The following WNT11 variants were observed in gnomAD, a reference collection of about 807,000 sequenced individuals.
WNT11 encodes the protein protein Wnt-11.
In WNT11, 20 loss-of-function variants were observed where a neutral mutation model predicts 35.6. The ratio of observed to expected loss-of-function variants is 0.56; its 90% CI spans 0.40 to 0.82. The LOEUF is 0.82. Among genes scored for constraint, WNT11 ranks in the 40% least tolerant of loss-of-function variants. WNT11 has a pLI of 0.00. For synonymous variants in WNT11, 200 were observed against 211.9 expected, an observed-to-expected ratio of 0.94 and a Z score of 0.49; for missense variants, 459 against 504.4, an observed-to-expected ratio of 0.91 and a Z score of 0.86.
intron 1 of WNT11, among the ~76,000 whole-genome samples, chr11:76,200,182 C>T (rs1953353034): frequency 6.6e-6 from 1 of 151,866 alleles, no homozygotes; most frequent in African/African-American, 2.4e-5. Flanking sequence ...ACTGTGGTGT[C>T]CAGGGCAGTC....
At chr11:76,191,495 A>G (rs11236648) in intron 4 of WNT11, 69 bp downstream of exon 4, 507,116 of 1,534,136 alleles carry the variant, frequency 0.33, 88,705 homozygotes, top group African/African-American at 0.4. Flanking sequence ...TGTGTGCGTG[A>G]CCCTGAGCTG....
At chr11:76,206,547 G>A (rs1953478790), upstream of WNT11, 2 of 1,220,210 alleles carry the variant, frequency 1.6e-6, no homozygotes, top group Non-Finnish European at 1.0e-6. Context: ...CGCGCGGGCG[G>A]GGGAGGCGTT....
intron 1 of WNT11, among the ~76,000 whole-genome samples, chr11:76,204,853 G>A (rs1591312906): frequency 6.6e-6 from 1 of 152,090 alleles, no homozygotes; most frequent in Admixed American, 6.5e-5. Context: ...TCTTATGGGC[G>A]GCAAATGACA....
In WNT11 at chr11:76,197,093, C is replaced by T. The variant is rs183170017; in HGVS notation, c.84-375G>A. Among the ~76,000 whole-genome samples the T allele has an allele frequency of 2.8e-3, 424 of 152,350 alleles. 2 individuals are homozygous for T. Among genetic ancestry groups the T allele is most frequent in the African/African-American group, 9.8e-3 (409 of 41,568 alleles). On this transcript the variant is annotated intron_variant, in intron 1 of 4. Coordinates refer to ENST00000322563, the MANE Select transcript of WNT11 (RefSeq NM_004626.3). ...CTGTGAATTATTAGTCTTTATTCAA[C>T]ATTCATTCAACACTGAGCAGCTACG... is the stretch of plus-strand genomic sequence containing the variant.
At chr11:76,208,528 G>C (rs1418871244), upstream of WNT11, among the ~76,000 whole-genome samples, 2 of 152,206 alleles carry the variant, frequency 1.3e-5, no homozygotes, top group South Asian at 2.1e-4. Context: ...GATATGGAGG[G>C]GGGAATCAAA....
chr11:76,196,561 G>A lies in WNT11; in HGVS notation c.241C>T (p.Arg81Cys), dbSNP rs746048794. Residue 81 changes from arginine (R) to cysteine (C), a missense_variant, in exon 2 of 5, where the codon CGC (arginine) becomes TGC (cysteine). Coordinates refer to ENST00000322563, the MANE Select transcript of WNT11 (RefSeq NM_004626.3). ...CAGCGCATGTCGGCAAAGGCCCGGC[G>A]ACAGGCCTTCATGACCTCGCGGGCG... Reference protein sequence around the residue: ...HAAREVMKACRRAFADMRWNC... With the variant: ...HAAREVMKACCRAFADMRWNC... 9.3e-6 allele frequency: 15 copies of A among 1,613,622 alleles called. No homozygotes were observed. The highest frequency in any genetic ancestry group is 8.0e-5 in the African/African-American group (6 of 75,076).
chr11:76,190,724 C>A (rs1301255960), intron 4 of WNT11: 2 of 152,230 alleles, frequency 1.3e-5, no homozygotes, highest in Non-Finnish European at 2.9e-5. Context: ...TTAAACAGAT[C>A]CTTTACTGCA....
chr11:76,194,469 T>TC lies in WNT11; in HGVS notation c.597+97dup. On this transcript the variant is annotated intron_variant, in intron 3 of 4. Coordinates refer to ENST00000322563, the MANE Select transcript of WNT11 (RefSeq NM_004626.3). This position sits in a 1 kb window ranked among gnomAD's most constrained non-coding sequence, Gnocchi z 5.4. The stretch of plus-strand genomic sequence containing the variant: ...TCAGGTGTGGGCCAGTCAGGGCCCG[T>TC]CCCCCCGCACCCCCCACCACTGGGG... The TC allele has an allele frequency of 3.7e-6, 5 of 1,366,748 alleles. No homozygotes were observed. The highest frequency in any genetic ancestry group is 4.8e-6 in the Non-Finnish European group (5 of 1,044,310). 84.7% of individuals were successfully genotyped at this position (1,366,748 alleles called of 1,614,324 possible).
chr11:76,197,576 C>T (rs923599670), intron 1 of WNT11, among the ~76,000 whole-genome samples: 1 of 152,164 alleles, frequency 6.6e-6, no homozygotes, highest in Non-Finnish European at 1.5e-5. Context: ...TGCAGCAAAG[C>T]AACAGGCTTG....
At chr11:76,200,663 C>A (rs1319254977) in intron 1 of WNT11, among the ~76,000 whole-genome samples, 1 of 152,234 alleles carries the variant, frequency 6.6e-6, no homozygotes, top group Non-Finnish European at 1.5e-5. Flanking sequence ...TCAGTCCCTG[C>A]AGGCACTGGG....
intron 1 of WNT11, among the ~76,000 whole-genome samples, 171 bp from the exon 2 acceptor site, chr11:76,196,889 G>A (rs1198555874): frequency 6.6e-6 from 1 of 152,220 alleles, no homozygotes; most frequent in Non-Finnish European, 1.5e-5. Flanking sequence ...CAGAGCAGTG[G>A]ATCCCCCTCA....
intron 4 of WNT11, among the ~76,000 whole-genome samples, chr11:76,189,529 G>A (rs1312466742): frequency 6.6e-6 from 1 of 152,200 alleles, no homozygotes; most frequent in Non-Finnish European, 1.5e-5. Context: ...TGAGGAGGCT[G>A]CAAGGCATCT....
Position 76,196,646 on chromosome 11 carries a change from C to T in WNT11, c.156G>A (p.Val52=). 6.2e-7 allele frequency: 1 copy of T among 1,613,710 alleles called. No individual in the cohort carries two copies. The highest frequency in any genetic ancestry group is 8.5e-7 in the Non-Finnish European group (1 of 1,180,034). Reference sequence around the variant, plus strand: ...TGCGGCACAGCTGCACCTGTGCAGACACCAGACCCTCCAGCTGCTTGCAGT... The same window carrying T: ...TGCGGCACAGCTGCACCTGTGCAGATACCAGACCCTCCAGCTGCTTGCAGT... The part of the protein sequence containing the change: ...TQHCKQLEGL[V]SAQVQLCRSN... The change falls in exon 2 of 5, where the codon GTG becomes GTA. Residue 52 remains valine, a synonymous_variant. Transcript: ENST00000322563.
At position 76,191,861 on chromosome 11, in the gene WNT11, G is replaced by T. The variant is rs768193312; in HGVS notation, c.598-5C>A. 1 of 1,592,748 alleles carries T rather than the reference G, an allele frequency of 6.3e-7. No homozygotes were observed. The highest frequency in any genetic ancestry group is 8.5e-7 in the Non-Finnish European group (1 of 1,174,138). ...TTCCAGAGAGGCGCGCAGAGCCTGCGGACAGGGGAAGGCGTCAGCTGGGTG... is the reference window on the plus strand; with the variant it reads ...TTCCAGAGAGGCGCGCAGAGCCTGCTGACAGGGGAAGGCGTCAGCTGGGTG... On this transcript the variant is annotated splice_polypyrimidine_tract_variant and splice_region_variant and intron_variant, in intron 3 of 4. Transcript: ENST00000322563.
Position 76,194,874 on chromosome 11 carries a change from G to T in WNT11, c.320-30C>A. On this transcript the variant is annotated intron_variant, in intron 2 of 4. Transcript: ENST00000322563. This position sits in a 1 kb window ranked among gnomAD's most constrained non-coding sequence, Gnocchi z 5.4. ...GGGTGGGAGGGGAAGGTCAGCCGAC[G>T]CTGATCCAGGGCTAGGACCCTGCCC... 6.8e-7 allele frequency: 1 copy of T among 1,471,710 alleles called. No homozygotes were observed. The highest frequency in any genetic ancestry group is 9.0e-7 in the Non-Finnish European group (1 of 1,116,676). The allele number at this position is 1,471,710 out of a possible 1,614,324, so 91.2% of individuals were successfully genotyped here.
rs866933919 is a variant in WNT11, at chr11:76,206,361, G to T, written c.47C>A (p.Ala16Glu). Residue 16 changes from alanine (A) to glutamate (E), a missense_variant, in exon 1 of 5, where the codon GCG (alanine) becomes GAG (glutamate). By Grantham distance (107) the Ala-to-Glu change is moderately radical. Transcript: ENST00000322563. ...QVCEALLFAL[A>E]LQTGVCYGIK... ...GCCATAGCACACGCCGGTCTGGAGC[G>T]CCAGGGCGAAGAGCAGCGCCTCGCA... 6.4e-7 allele frequency: 1 copy of T among 1,570,500 alleles called. No homozygotes were observed. Among genetic ancestry groups the T allele is most frequent in the Non-Finnish European group, 8.6e-7 (1 of 1,163,396 alleles).
At chr11:76,191,455 C>A in intron 4 of WNT11, 109 bp downstream of exon 4, 1 of 1,297,692 alleles carries the variant, frequency 7.7e-7, no homozygotes, top group Non-Finnish European at 1.1e-6. Flanking sequence ...AGCAGGGTCT[C>A]CATTCCCCAC....
intron 1 of WNT11, among the ~76,000 whole-genome samples, chr11:76,196,966 A>G (rs1171358267): frequency 6.6e-6 from 1 of 152,182 alleles, no homozygotes; most frequent in Non-Finnish European, 1.5e-5. Context: ...ATAACATAGG[A>G]TCACAACCCC....
Position 76,196,465 on chromosome 11 carries a change from A to G in WNT11, c.319+18T>C. Reference sequence around the variant, plus strand: ...TCACCCGCACCCACATGCATTCAGCAGCCTCGCCAGCTCCTACCTCTCTCC... The same window carrying G: ...TCACCCGCACCCACATGCATTCAGCGGCCTCGCCAGCTCCTACCTCTCTCC... On this transcript the variant is annotated intron_variant, in intron 2 of 4. Coordinates refer to ENST00000322563, the MANE Select transcript of WNT11 (RefSeq NM_004626.3). The G allele has an allele frequency of 6.2e-7, 1 of 1,611,754 alleles. No homozygotes were observed. The highest frequency in any genetic ancestry group is 8.5e-7 in the Non-Finnish European group (1 of 1,178,872).
Sources: gnomAD v4.1 joint callset for allele counts (sites outside exome capture counted in the v4.1 genomes callset) on GRCh38, gnomAD v4.1.1 for gene constraint, Gnocchi (gnomAD v3.1) non-coding constraint, MANE v1.5 for transcripts, NCBI Gene and HGNC (gene_info 2026-07-23, HGNC 2026-07-21) for gene names.